TARBP1: variants seen among roughly 807,000 people sequenced by gnomAD.
TARBP1 encodes the protein tRNA (guanosine(18)-2'-O)-methyltransferase TARBP1.
A neutral mutation model predicts 178.6 loss-of-function variants in TARBP1; 144 were observed. The observed-to-expected ratio is 0.81, with a 90% CI of 0.70 to 0.93. The LOEUF (loss-of-function observed/expected upper bound fraction) is 0.93, where lower values mean the gene tolerates loss of function less well. Ranked by LOEUF, TARBP1 falls within the 40% of genes least tolerant of loss-of-function variation. TARBP1 has a pLI of 0.00. For missense variants in TARBP1, 2,067 were observed against 2,011.7 expected (o/e 1.03, Z -0.53); for synonymous variants, 787 against 781.0 (o/e 1.01, Z -0.13).
At position 234,391,642 on chromosome 1, in the gene TARBP1, C is replaced by A. The variant is rs1216198337; in HGVS notation, c.4801G>T (p.Gly1601Ter). The change falls in exon 30 of 30, where the codon GGA (glycine) becomes TGA (stop). Residue 1601 changes from glycine to a stop codon, truncating the protein, a stop_gained. Transcript: ENST00000040877. LOFTEE classifies it low-confidence loss of function (END_TRUNC). ...GTGTACTCCCAGATCAGCAGGGCTCCACTCACATGGACATTCAGGGAGCGG... is the reference window on the plus strand; with the variant it reads ...GTGTACTCCCAGATCAGCAGGGCTCAACTCACATGGACATTCAGGGAGCGG... ...IIRSLNVHVS[G>*]ALLIWEYTRQ... The A allele has an allele frequency of 1.9e-6, 3 of 1,613,562 alleles. No homozygotes were observed. The highest frequency in any genetic ancestry group is 2.5e-6 in the Non-Finnish European group (3 of 1,179,998).
At chr1:234,476,651 G>A (rs1236631877) in intron 1 of TARBP1, among the ~76,000 whole-genome samples, 1 of 152,152 alleles carries the variant, frequency 6.6e-6, no homozygotes, top group African/African-American at 2.4e-5. Flanking sequence ...AAAATGATCA[G>A]TTTCCTACAT....
At chr1:234,448,943 T>C (rs536862715) in intron 10 of TARBP1, among the ~76,000 whole-genome samples, 1 of 152,156 alleles carries the variant, frequency 6.6e-6, no homozygotes, top group East Asian at 1.9e-4. Context: ...TAGTGGAGTC[T>C]ACACTAGGAA....
At chr1:234,436,010 G>A (rs1440933464) in intron 13 of TARBP1, among the ~76,000 whole-genome samples, 2 of 152,000 alleles carry the variant, frequency 1.3e-5, no homozygotes, top group Admixed American at 1.3e-4. Context: ...CTAAACAAAC[G>A]TAACTTAAGT....
At chr1:234,414,983 CA>C (rs1662257954) in intron 22 of TARBP1, among the ~76,000 whole-genome samples, 2 of 150,612 alleles carry the variant, frequency 1.3e-5, no homozygotes, top group African/African-American at 4.9e-5. Flanking sequence ...GACTCTGTCT[CA>C]AAAAAATTAA....
At chr1:234,392,355 G>A in intron 29 of TARBP1, 61 bp downstream of exon 29, 1 of 1,573,770 alleles carries the variant, frequency 6.4e-7, no homozygotes, top group Non-Finnish European at 8.6e-7. Flanking sequence ...AAAAAACAAG[G>A]TAACATCTTC....
intron 20 of TARBP1, among the ~76,000 whole-genome samples, chr1:234,421,894 C>G (rs1663142308): frequency 6.6e-6 from 1 of 152,072 alleles, no homozygotes; most frequent in South Asian, 2.1e-4. Context: ...CATAACTTCT[C>G]TGACCTTTCT....
intron 9 of TARBP1, 48 bp downstream of exon 9, chr1:234,457,619 C>A (rs751944445): frequency 3.0e-6 from 4 of 1,343,780 alleles, no homozygotes; most frequent in Non-Finnish European, 4.1e-6. Context: ...TTAAGAAAAC[C>A]ATTTTTTATA....
intron 20 of TARBP1, 73 bp downstream of exon 20, chr1:234,425,597 ATTC>A: frequency 2.8e-6 from 4 of 1,423,934 alleles, no homozygotes; most frequent in Non-Finnish European, 2.9e-6. Context: ...AGAAGTACAT[ATTC>A]TAGCAACATA....
chr1:234,403,073 C>T (rs1016088615), intron 24 of TARBP1, among the ~76,000 whole-genome samples: 1 of 152,164 alleles, frequency 6.6e-6, no homozygotes, highest in African/African-American at 2.4e-5. Flanking sequence ...TGCTCACCTC[C>T]GATCTGCTCT....
intron 25 of TARBP1, 135 bp from the exon 26 acceptor site, chr1:234,398,688 T>C (rs745842975): frequency 3.1e-6 from 2 of 646,034 alleles, no homozygotes; most frequent in Non-Finnish European, 4.7e-6. Context: ...ATACTTTCAT[T>C]TATATCTTAT....
intron 23 of TARBP1, chr1:234,406,467 G>C (rs1358673934): frequency 5.3e-6 from 1 of 189,812 alleles, no homozygotes; most frequent in Non-Finnish European, 1.1e-5. Context: ...TTTGTGCTGA[G>C]AAAGTCAGAA....
At chr1:234,443,754 C>T (rs776338884) in intron 12 of TARBP1, among the ~76,000 whole-genome samples, 5 of 152,170 alleles carry the variant, frequency 3.3e-5, no homozygotes, top group Admixed American at 6.5e-5. Flanking sequence ...AGCCAAACAA[C>T]AGAATATTAT....
In TARBP1 at chr1:234,391,714, T is replaced by G; in HGVS notation, c.4729A>C (p.Ile1577Leu). The change falls in exon 30 of 30, where the codon ATC (isoleucine) becomes CTC (leucine). Residue 1577 changes from isoleucine to leucine, a missense_variant. Coordinates refer to ENST00000040877, the MANE Select transcript of TARBP1 (RefSeq NM_005646.4). ...TCCACACAAACGTCCAACTGTTGGA[T>G]CAGATTTGCTGGAATTCCCTCACGT... ...NEREGIPANLIQQLDVCVEIP... is the reference protein window; with the variant it reads ...NEREGIPANLLQQLDVCVEIP... The G allele has an allele frequency of 6.2e-7, 1 of 1,613,476 alleles. No individual in the cohort carries two copies. Among genetic ancestry groups the G allele is most frequent in the African/African-American group, 1.3e-5 (1 of 75,020 alleles).
intron 12 of TARBP1, among the ~76,000 whole-genome samples, chr1:234,442,531 G>T (rs1665698888): frequency 1.3e-5 from 2 of 152,072 alleles, no homozygotes; most frequent in African/African-American, 4.8e-5. Context: ...GAAGCCACCA[G>T]CAAATGATTG....
intron 15 of TARBP1, among the ~76,000 whole-genome samples, 193 bp downstream of exon 15, chr1:234,429,894 T>C (rs926660516): frequency 3.9e-5 from 6 of 152,122 alleles, no homozygotes; most frequent in Non-Finnish European, 5.9e-5. Context: ...TCATCTGAAA[T>C]GATTCAGTGA....
At chr1:234,460,845 C>CT (rs1470736857) in intron 6 of TARBP1, among the ~76,000 whole-genome samples, 3 of 152,170 alleles carry the variant, frequency 2.0e-5, no homozygotes, top group African/African-American at 7.2e-5. Flanking sequence ...CAGTGAAATA[C>CT]TATTCAGCCA....
intron 14 of TARBP1, among the ~76,000 whole-genome samples, chr1:234,432,437 T>G (rs963685459): frequency 6.6e-6 from 1 of 152,020 alleles, no homozygotes; most frequent in African/African-American, 2.4e-5. Flanking sequence ...CGAGACTCTG[T>G]TCAAAAATAT....
chr1:234,440,653 A>G (rs545248359), intron 12 of TARBP1, among the ~76,000 whole-genome samples: 1 of 152,332 alleles, frequency 6.6e-6, no homozygotes, highest in African/African-American at 2.4e-5. Context: ...GAACCTTCAA[A>G]CAAACCAACT....
chr1:234,410,925 C>T (rs968192969), intron 22 of TARBP1, among the ~76,000 whole-genome samples: 7 of 152,028 alleles, frequency 4.6e-5, no homozygotes, highest in African/African-American at 7.2e-5. Flanking sequence ...TACAAAAATT[C>T]GCTGGGCATG....
Sources: gnomAD v4.1 joint callset for allele counts (sites outside exome capture counted in the v4.1 genomes callset) on GRCh38, gnomAD v4.1.1 for gene constraint, MANE v1.5 for transcripts, NCBI Gene and HGNC (gene_info 2026-07-23, HGNC 2026-07-21) for gene names.